The following ABCC2 variants were observed in gnomAD, a reference collection of about 807,000 sequenced individuals.
ABCC2 encodes ATP-binding cassette sub-family C member 2.
ABCC2 carries 157 observed loss-of-function variants against 173.4 expected under a neutral mutation model. That is an observed-to-expected ratio of 0.91 (90% CI 0.80 to 1.03). ABCC2 has a LOEUF of 1.03. ABCC2 is among the 50% of genes least tolerant of loss of function. ABCC2 has a pLI of 0.00. For missense variants in ABCC2, 1,822 were observed against 1,852.3 expected (o/e 0.98, Z 0.30); for synonymous variants, 657 against 693.5 (o/e 0.95, Z 0.83).
chr10:99,829,711 C>T (rs1010162531), intron 19 of ABCC2, among the ~76,000 whole-genome samples: 1 of 152,158 alleles, frequency 6.6e-6, no homozygotes, highest in African/African-American at 2.4e-5. Flanking sequence ...GGCTCACCTT[C>T]AACCTCCTGT....
At chr10:99,839,282 A>G (rs1590188654) in intron 25 of ABCC2, among the ~76,000 whole-genome samples, 10 of 80,402 alleles carry the variant, frequency 1.2e-4, no homozygotes, top group African/African-American at 4.9e-4. Context: ...GGCCGGGCAG[A>G]GGGGCTCCTC....
Position 99,797,274 on chromosome 10 carries a change from A to G in ABCC2, c.810A>G (p.Gly270=), listed in dbSNP as rs1198412251. ...RQEKSSQQNS[G]ARLPGLNKNQ... ...AGAAGAGCTCCCAGCAGAACTCTGG[A>G]GCCAGGCTGCCTGGCTTGAACAAGA... The change falls in exon 7 of 32, where the codon GGA becomes GGG. Residue 270 remains glycine, a synonymous_variant. Coordinates refer to ENST00000647814, the MANE Select transcript of ABCC2 (RefSeq NM_000392.5). 6.2e-7 allele frequency: 1 copy of G among 1,614,026 alleles called. No individual in the cohort carries two copies. The highest frequency in any genetic ancestry group is 1.1e-5 in the South Asian group (1 of 91,056).
chr10:99,833,552 CTG>C (rs1301848627), intron 23 of ABCC2, among the ~76,000 whole-genome samples: 2 of 152,116 alleles, frequency 1.3e-5, no homozygotes, highest in Admixed American at 6.6e-5. Context: ...GATGGAGACT[CTG>C]TGCCAGGTAA....
Position 99,811,600 on chromosome 10 carries a change from A to G in ABCC2, c.1965A>G (p.Arg655=), listed in dbSNP as rs1398119764. The change falls in exon 15 of 32, where the codon CGA becomes CGG. Residue 655 remains arginine, a splice_region_variant and synonymous_variant. Transcript: ENST00000647814. ...TWEHDSEATV[R]DVNLDIMAGQ... is the part of the protein sequence containing the mutation. ...AACATGATTCGGAAGCCACAGTCCG[A>G]GAGTGAGTTGCCTTCTTTCCATCCT... 6.2e-6 allele frequency: 10 copies of G among 1,614,084 alleles called. No homozygotes were observed. Among genetic ancestry groups the G allele is most frequent in the Non-Finnish European group, 6.8e-6 (8 of 1,179,968 alleles).
chr10:99,802,075 A>G (rs1273039054), intron 9 of ABCC2, among the ~76,000 whole-genome samples: 2 of 152,244 alleles, frequency 1.3e-5, no homozygotes, highest in African/African-American at 4.8e-5. Flanking sequence ...CTAGTAAAGT[A>G]CACTTCTACA....
At chr10:99,783,770 G>GTATA (rs1341765625) in intron 1 of ABCC2, among the ~76,000 whole-genome samples, 2 of 152,140 alleles carry the variant, frequency 1.3e-5, no homozygotes, top group Non-Finnish European at 2.9e-5. Context: ...GGCCAGGAGT[G>GTATA]TATACCACGG....
intron 30 of ABCC2, among the ~76,000 whole-genome samples, chr10:99,847,791 C>T (rs1057423007): frequency 6.6e-5 from 10 of 151,384 alleles, no homozygotes; most frequent in African/African-American, 2.2e-4. Flanking sequence ...TGGTGGCAGG[C>T]GCCTGTAATC....
intron 26 of ABCC2, among the ~76,000 whole-genome samples, chr10:99,842,418 C>T (rs76878559): frequency 3.9e-5 from 6 of 152,218 alleles, no homozygotes; most frequent in African/African-American, 1.4e-4. Flanking sequence ...TTCTCTAGAA[C>T]GTAGCAGTAA....
intron 19 of ABCC2, among the ~76,000 whole-genome samples, chr10:99,827,863 C>A (rs1050903504): frequency 1.4e-5 from 2 of 143,490 alleles, no homozygotes; most frequent in African/African-American, 5.2e-5. Context: ...GTACGGCTGA[C>A]TGTATATGTA....
rs561108359 is a variant in ABCC2 at position 99,850,499 on chromosome 10, G to A, written c.4314-103G>A. ...AAACATTCCAGGGGAATTTTGGAGG[G>A]GGGGTTTTGAAAGTCTGATCTGGAA... On this transcript the variant is annotated intron_variant, in intron 30 of 31. Coordinates refer to ENST00000647814, the MANE Select transcript of ABCC2 (RefSeq NM_000392.5). 26 of 1,130,376 alleles carry A rather than the reference G, an allele frequency of 2.3e-5. No homozygotes were observed. In the Admixed American group the frequency reaches 4.0e-4, roughly 17 times the overall value. 70.0% of individuals were successfully genotyped at this position (1,130,376 alleles called of 1,614,324 possible).
chr10:99,832,336 C>G (rs1298488646), intron 23 of ABCC2, among the ~76,000 whole-genome samples: 1 of 152,118 alleles, frequency 6.6e-6, no homozygotes, highest in African/African-American at 2.4e-5. Context: ...TCAAGTAGCT[C>G]AGCATCTAGT....
In ABCC2 at chr10:99,784,780, A is replaced by C. The variant is rs145427140; in HGVS notation, c.206A>C (p.Gln69Pro). ...ACCACCAAACTCTATCTTGCTAAGC[A>C]GGTAAAGTTAACACCACTGTTTCTG... ...SSTTKLYLAK[Q>P]VFVGFLLILA... Residue 69 changes from glutamine to proline, a missense_variant and splice_region_variant, in exon 2 of 32, where the codon CAG becomes CCG. Transcript: ENST00000647814. 44 of 1,614,072 alleles carry C rather than the reference A, an allele frequency of 2.7e-5. No homozygotes were observed. The African/African-American group carries it at 5.5e-4, about 20-fold the overall frequency.
At chr10:99,806,061 G>GTCTCTC (rs951981564) in intron 11 of ABCC2, among the ~76,000 whole-genome samples, 24 of 114,664 alleles carry the variant, frequency 2.1e-4, no homozygotes, top group Non-Finnish European at 3.4e-4. Flanking sequence ...ATCTACTACA[G>GTCTCTC]TCTCTCTCTC....
chr10:99,834,182 A>C (rs1477347240), intron 23 of ABCC2, among the ~76,000 whole-genome samples, 198 bp from the exon 24 acceptor site: 2 of 152,222 alleles, frequency 1.3e-5, no homozygotes, highest in Non-Finnish European at 2.9e-5. Flanking sequence ...CGCCAGGCCT[A>C]AATGAAGAAA....
chr10:99,852,259 G>A lies in ABCC2; in HGVS notation c.*628G>A. ...TCTAGGGTATAACCTAGGAATGGAG[G>A]GTATGAACATGTTTACATGCACAAA... On this transcript the variant is annotated 3_prime_UTR_variant, in exon 32 of 32. Transcript: ENST00000647814. The A allele has an allele frequency of 6.6e-6, 1 of 152,458 alleles. No homozygotes were observed. Among genetic ancestry groups the A allele is most frequent in the South Asian group, 2.1e-4 (1 of 4,834 alleles). 9.4% of individuals were successfully genotyped at this position (152,458 alleles called of 1,614,324 possible).
At chr10:99,826,951 T>G in intron 19 of ABCC2, among the ~76,000 whole-genome samples, 1 of 151,948 alleles carries the variant, frequency 6.6e-6, no homozygotes, top group African/African-American at 2.4e-5. Context: ...CCAGGTGGCA[T>G]CGGTTCTAAC....
At chr10:99,794,555 T>A in intron 6 of ABCC2, 87 bp downstream of exon 6, 1 of 1,352,172 alleles carries the variant, frequency 7.4e-7, no homozygotes, top group Non-Finnish European at 1.0e-6. Flanking sequence ...TTTATTATTT[T>A]TTTTTTGAGA....
rs978518884 is a variant in ABCC2 at position 99,813,245 on chromosome 10, G to T, written c.2094+101G>T. The T allele has an allele frequency of 1.5e-5, 21 of 1,441,862 alleles. No individual in the cohort carries two copies. In the Admixed American group the frequency reaches 2.7e-4, roughly 19 times the overall value. The allele number at this position is 1,441,862 out of a possible 1,614,324, so 89.3% of individuals were successfully genotyped here. A position where few individuals can be genotyped will look rare whatever the true frequency, so the allele number is the denominator to read the frequency against. On this transcript the variant is annotated intron_variant, in intron 16 of 31. Coordinates refer to ENST00000647814, the MANE Select transcript of ABCC2 (RefSeq NM_000392.5). ...AAGGCACTGAGGGCTAGTAGGTGAG[G>T]TCTTGGAGACATCCGATAGATTTGT...
intron 24 of ABCC2, among the ~76,000 whole-genome samples, chr10:99,834,795 T>C (rs1481662149): frequency 6.6e-6 from 1 of 152,138 alleles, no homozygotes; most frequent in Non-Finnish European, 1.5e-5. Context: ...GAAGCTTAGG[T>C]CGGACAGATT....
Sources: allele counts gnomAD v4.1 joint callset (sites outside exome capture counted in the v4.1 genomes callset), GRCh38; gene constraint gnomAD v4.1.1; transcripts MANE v1.5; gene names NCBI Gene and HGNC (gene_info 2026-07-23, HGNC 2026-07-21).